Variants in OPCML observed in about 807,000 individuals in gnomAD.
The protein encoded by OPCML is opioid binding protein/cell adhesion molecule like, also known as opioid-binding protein/cell adhesion molecule.
A neutral mutation model predicts 37.8 loss-of-function variants in OPCML; 13 were observed. That is an observed-to-expected ratio of 0.34 (90% CI 0.22 to 0.55). The LOEUF (loss-of-function observed/expected upper bound fraction) is 0.55, where lower values mean the gene tolerates loss of function less well. OPCML is among the 20% of genes least tolerant of loss of function. OPCML has a pLI of 0.91. For missense variants in OPCML, 341 were observed against 435.6 expected, an observed-to-expected ratio of 0.78 and a Z score of 1.93; for synonymous variants, 176 against 168.8, an observed-to-expected ratio of 1.04 and a Z score of -0.33.
At chr11:132,908,699 T>C (rs951299146) in intron 2 of OPCML, among the ~76,000 whole-genome samples, 1 of 152,234 alleles carries the variant, frequency 6.6e-6, no homozygotes, top group African/African-American at 2.4e-5. Flanking sequence ...AACACAAAGA[T>C]AAGGTGCTGC....
intron 1 of OPCML, among the ~76,000 whole-genome samples, chr11:133,334,065 G>A (rs944415863): frequency 2.2e-4 from 33 of 152,168 alleles, no homozygotes; most frequent in African/African-American, 7.0e-4. Flanking sequence ...TAGTTCAACT[G>A]TTGTGGAAAG....
At chr11:133,286,331 G>A (rs949162420) in intron 1 of OPCML, among the ~76,000 whole-genome samples, 1 of 151,892 alleles carries the variant, frequency 6.6e-6, no homozygotes, top group Non-Finnish European at 1.5e-5. Flanking sequence ...TAAGCCGGGC[G>A]TGGTGGCGGG....
At chr11:133,105,231 T>C (rs1023262080) in intron 1 of OPCML, among the ~76,000 whole-genome samples, 1 of 152,108 alleles carries the variant, frequency 6.6e-6, no homozygotes, top group Non-Finnish European at 1.5e-5. Flanking sequence ...CAGACAACAA[T>C]TAATTATGTA....
At chr11:133,023,763 AAAT>A (rs1322740476) in intron 1 of OPCML, among the ~76,000 whole-genome samples, 1 of 152,234 alleles carries the variant, frequency 6.6e-6, no homozygotes, top group Non-Finnish European at 1.5e-5. Context: ...CTGTGGGAGA[AAAT>A]AAAAGAAAAC....
chr11:132,635,966 TC>T (rs556104770), intron 3 of OPCML, among the ~76,000 whole-genome samples: 1 of 151,846 alleles, frequency 6.6e-6, no homozygotes, highest in Non-Finnish European at 1.5e-5. Context: ...TTGAAAATAC[TC>T]CCCCCCGGAT....
At chr11:132,547,742 G>C (rs2096372003) in intron 3 of OPCML, among the ~76,000 whole-genome samples, 1 of 151,912 alleles carries the variant, frequency 6.6e-6, no homozygotes, top group African/African-American at 2.4e-5. Context: ...CAAGGGGGTG[G>C]AGGGGAAAAA....
At chr11:132,993,690 C>A (rs1946824376) in intron 1 of OPCML, among the ~76,000 whole-genome samples, 1 of 152,126 alleles carries the variant, frequency 6.6e-6, no homozygotes, top group Admixed American at 6.5e-5. Context: ...AGAGAAAGAT[C>A]TGGAATCAAC....
intron 1 of OPCML, among the ~76,000 whole-genome samples, chr11:133,468,897 A>AAAC (rs35244806): frequency 0.29 from 43,303 of 151,870 alleles, 7,728 homozygotes; most frequent in African/African-American, 0.51. Flanking sequence ...TTATGGAAAA[A>AAAC]AACAATTATT....
intron 1 of OPCML, among the ~76,000 whole-genome samples, chr11:133,460,766 C>T (rs777927044): frequency 7.9e-5 from 12 of 151,956 alleles, no homozygotes; most frequent in East Asian, 5.8e-4. Flanking sequence ...AAACACTTAA[C>T]GAATTAACAC....
intron 2 of OPCML, among the ~76,000 whole-genome samples, chr11:132,803,134 T>C (rs903403324): frequency 6.6e-6 from 1 of 152,124 alleles, no homozygotes; most frequent in Admixed American, 6.5e-5. Context: ...TCCACTGACC[T>C]AAGCAAATGC....
chr11:133,294,249 C>T (rs1013148337), intron 1 of OPCML, among the ~76,000 whole-genome samples: 1 of 152,112 alleles, frequency 6.6e-6, no homozygotes, highest in Non-Finnish European at 1.5e-5. Flanking sequence ...GACTCTCACA[C>T]ATCTGCTGGG....
intron 1 of OPCML, among the ~76,000 whole-genome samples, chr11:133,514,167 G>A (rs1356946862): frequency 6.6e-6 from 1 of 152,186 alleles, no homozygotes; most frequent in African/African-American, 2.4e-5. Context: ...CTACAGCATT[G>A]TCAGTGTTTG....
At chr11:133,518,105 T>C (rs1337603423) in intron 1 of OPCML, among the ~76,000 whole-genome samples, 1 of 152,096 alleles carries the variant, frequency 6.6e-6, no homozygotes, top group East Asian at 1.9e-4. Context: ...GGTGTGCATA[T>C]GTATGTGTGG....
At chr11:132,996,361 T>C (rs1397443538) in intron 1 of OPCML, among the ~76,000 whole-genome samples, 1 of 151,714 alleles carries the variant, frequency 6.6e-6, no homozygotes. Flanking sequence ...GGCTCATGCC[T>C]GTAATCCCAG....
At chr11:132,910,519 G>T (rs1279796507) in intron 2 of OPCML, among the ~76,000 whole-genome samples, 2 of 152,268 alleles carry the variant, frequency 1.3e-5, no homozygotes, top group Middle Eastern at 3.4e-3. Context: ...ACCCTGAACC[G>T]CATCCCAGGT....
At chr11:133,210,826 G>T (rs1592108135) in intron 1 of OPCML, among the ~76,000 whole-genome samples, 2 of 152,008 alleles carry the variant, frequency 1.3e-5, no homozygotes, top group Admixed American at 6.6e-5. Context: ...CTCTGAACTT[G>T]CTCCTTTTTT....
intron 3 of OPCML, among the ~76,000 whole-genome samples, chr11:132,636,494 G>A (rs1286354009): frequency 6.6e-6 from 1 of 152,210 alleles, no homozygotes; most frequent in Non-Finnish European, 1.5e-5. Flanking sequence ...GCTGGCATAG[G>A]GAAGTGGATC....
At chr11:133,131,381 A>G (rs1310006226) in intron 1 of OPCML, among the ~76,000 whole-genome samples, 3 of 152,320 alleles carry the variant, frequency 2.0e-5, no homozygotes, top group African/African-American at 4.8e-5. Context: ...CACAACTTCT[A>G]GAGTATAACA....
chr11:132,679,379 G>T (rs925493885), intron 2 of OPCML, among the ~76,000 whole-genome samples: 1 of 152,178 alleles, frequency 6.6e-6, no homozygotes, highest in Non-Finnish European at 1.5e-5. Context: ...TAAAATGTGG[G>T]TATATCCACA....
Sources: allele counts gnomAD v4.1 joint callset (sites outside exome capture counted in the v4.1 genomes callset), GRCh38; gene constraint gnomAD v4.1.1; transcripts MANE v1.5; gene names NCBI Gene and HGNC (gene_info 2026-07-23, HGNC 2026-07-21).